MGAM2: variants seen among roughly 807,000 people sequenced by gnomAD.
The protein encoded by MGAM2 is maltase-glucoamylase 2 (putative).
Under a neutral mutation model 96.1 loss-of-function variants are expected in MGAM2, and 98 were observed. The ratio of observed to expected loss-of-function variants is 1.02; its 90% confidence interval spans 0.87 to 1.21. The LOEUF is 1.21. Among genes scored for constraint, MGAM2 ranks in the 50% most tolerant of loss-of-function variants. MGAM2 has a pLI of 0.00. For missense variants in MGAM2, 2,055 were observed against 1,182.4 expected, an observed-to-expected ratio of 1.74 and a Z score of -10.82; for synonymous variants, 749 against 414.8, an observed-to-expected ratio of 1.81 and a Z score of -9.79.
At chr7:142,194,906 A>G (rs544491195) in intron 37 of MGAM2, among the ~76,000 whole-genome samples, 1 of 152,216 alleles carries the variant, frequency 6.6e-6, no homozygotes, top group South Asian at 2.1e-4. Flanking sequence ...ACATACTAGG[A>G]TCTATTAGTA....
At chr7:142,193,509 G>A (rs1350113348) in intron 37 of MGAM2, among the ~76,000 whole-genome samples, 1 of 152,108 alleles carries the variant, frequency 6.6e-6, no homozygotes, top group Non-Finnish European at 1.5e-5. Context: ...GGCATCAGTG[G>A]TCAGTTTTGT....
chr7:142,120,515 T>A, intron 3 of MGAM2, 134 bp downstream of exon 3: 1 of 551,878 alleles, frequency 1.8e-6, no homozygotes, highest in Non-Finnish European at 3.2e-6. Flanking sequence ...CTTTCTTATC[T>A]TATTGAAATA....
At chr7:142,191,414 T>C (rs1796863860) in intron 37 of MGAM2, among the ~76,000 whole-genome samples, 1 of 152,222 alleles carries the variant, frequency 6.6e-6, no homozygotes. Context: ...AAGAGCTTTA[T>C]AGTTTTAGGT....
chr7:142,131,397 C>A, intron 4 of MGAM2, 121 bp from the exon 5 acceptor site: 1 of 623,610 alleles, frequency 1.6e-6, no homozygotes, highest in Non-Finnish European at 2.9e-6. Context: ...GAGATCACGT[C>A]TTGCACTCCA....
chr7:142,189,651 C>A (rs1023811001), intron 37 of MGAM2, 146 bp downstream of exon 37: 1 of 478,870 alleles, frequency 2.1e-6, no homozygotes, highest in African/African-American at 2.0e-5. Context: ...AAGCAACCAC[C>A]TCTGAGCGCA....
In MGAM2 at chr7:142,143,769, G is replaced by A. The variant is rs867291040; in HGVS notation, c.1318G>A (p.Gly440Arg). The A allele has an allele frequency of 4.5e-6, 3 of 670,532 alleles. No homozygotes were observed. Among genetic ancestry groups the A allele is most frequent in the Non-Finnish European group, 8.2e-6 (3 of 365,628 alleles). 41.5% of individuals were successfully genotyped at this position (670,532 alleles called of 1,614,324 possible). Residue 440 changes from glycine (G) to arginine (R), a missense_variant and splice_region_variant, in exon 13 of 48, where the codon GGA (glycine) becomes AGA (arginine). Physicochemically the swap from Gly to Arg is moderately radical, Grantham distance 125 (BLOSUM62 -2). Transcript: ENST00000477922. ...GCCACTGCCTTCCTCTGTGTCCTAG[G>A]GATATCCGGGACCGACAGTCTTTCC... ...LGSNGFAVGE[G>R]YPGPTVFPDY...
intron 32 of MGAM2, among the ~76,000 whole-genome samples, 199 bp downstream of exon 32, chr7:142,175,979 A>G (rs1172434646): frequency 1.3e-5 from 2 of 151,950 alleles, no homozygotes; most frequent in Non-Finnish European, 2.9e-5. Context: ...AGAAATGAAA[A>G]GGGGCTTTTA....
At chr7:142,211,657 G>C (rs1251521299) in intron 46 of MGAM2, among the ~76,000 whole-genome samples, 1 of 152,028 alleles carries the variant, frequency 6.6e-6, no homozygotes, top group Non-Finnish European at 1.5e-5. Context: ...GAATGAAAAG[G>C]AACAAACAAA....
At chr7:142,168,646 C>T (rs949552426) in intron 26 of MGAM2, among the ~76,000 whole-genome samples, 3 of 152,052 alleles carry the variant, frequency 2.0e-5, no homozygotes. Flanking sequence ...TGAGATCTAC[C>T]GCTATGCACA....
chr7:142,187,652 G>A, intron 35 of MGAM2, 98 bp from the exon 36 acceptor site: 1 of 635,742 alleles, frequency 1.6e-6, no homozygotes, highest in Non-Finnish European at 2.9e-6. Context: ...CAGCTGAGCT[G>A]AGGGCTTCAA....
chr7:142,146,314 A>T (rs374909955), intron 14 of MGAM2, among the ~76,000 whole-genome samples: 3 of 151,816 alleles, frequency 2.0e-5, no homozygotes, highest in East Asian at 3.9e-4. Flanking sequence ...CCTTTCCAGG[A>T]TTGCATAGTG....
intron 15 of MGAM2, among the ~76,000 whole-genome samples, chr7:142,150,729 C>A (rs1156808223): frequency 6.6e-6 from 1 of 152,166 alleles, no homozygotes; most frequent in Non-Finnish European, 1.5e-5. Flanking sequence ...TTGCTCATTT[C>A]TCTCCCCAGT....
intron 46 of MGAM2, among the ~76,000 whole-genome samples, chr7:142,217,289 C>T (rs1233832741): frequency 1.3e-5 from 2 of 152,100 alleles, no homozygotes; most frequent in South Asian, 4.2e-4. Context: ...GACTGTTTGC[C>T]ACACTTCTTT....
rs1374084974 is a variant in MGAM2 at position 142,131,164 on chromosome 7, G to T, written c.310+93G>T. 32 of 656,822 alleles carry T rather than the reference G, an allele frequency of 4.9e-5. 1 individual carries two copies. Among genetic ancestry groups the T allele is most frequent in the Non-Finnish European group, 5.6e-6 (2 of 359,354 alleles). 40.7% of individuals were successfully genotyped at this position (656,822 alleles called of 1,614,324 possible). Reference sequence around the variant, plus strand: ...AAAATAAAAGCTAAAAGTCAGGCAGGCGTGGTGGCTCACGTCTGTAATCCC... The same window carrying T: ...AAAATAAAAGCTAAAAGTCAGGCAGTCGTGGTGGCTCACGTCTGTAATCCC... On this transcript the variant is annotated intron_variant, in intron 4 of 47. Coordinates refer to ENST00000477922, the MANE Select transcript of MGAM2 (RefSeq NM_001293626.2).
At chr7:142,187,722 G>A (rs1336770876) in intron 35 of MGAM2, 28 bp from the exon 36 acceptor site, 23 of 701,380 alleles carry the variant, frequency 3.3e-5, no homozygotes, top group Admixed American at 1.6e-4. Flanking sequence ...CTGACATGAC[G>A]AGATCTTTTT....
intron 7 of MGAM2, 41 bp from the exon 8 acceptor site, chr7:142,136,500 C>A: frequency 1.7e-6 from 1 of 599,984 alleles, no homozygotes; most frequent in South Asian, 2.0e-5. Context: ...AAAACTTTCT[C>A]AACACATAAC....
rs758762748 is a variant in MGAM2 at position 142,158,111 on chromosome 7, A to G, written c.2078+20A>G. 9.6e-5 allele frequency: 67 copies of G among 701,514 alleles called. No homozygotes were observed. Among genetic ancestry groups the G allele is most frequent in the Middle Eastern group, 2.3e-4 (1 of 4,362 alleles). 43.5% of individuals were successfully genotyped at this position (701,514 alleles called of 1,614,324 possible). On this transcript the variant is annotated intron_variant, in intron 18 of 47. Coordinates refer to ENST00000477922, the MANE Select transcript of MGAM2 (RefSeq NM_001293626.2). ...ACATGAGTGAGTTTCCTGATTCTCA[A>G]AGACTCCCTTTCTGATTGTAGTTTC...
At chr7:142,165,901 T>G (rs34231471) in intron 24 of MGAM2, among the ~76,000 whole-genome samples, 197 bp from the exon 25 acceptor site, 6,814 of 152,244 alleles carry the variant, frequency 0.045, 232 homozygotes, top group Non-Finnish European at 0.071. Context: ...TGAAAACTCT[T>G]CCCATCCAAC....
rs188840867 is a variant in MGAM2, at chr7:142,196,116, T to C, written c.4347-38T>C. On this transcript the variant is annotated intron_variant, in intron 37 of 47. Transcript: ENST00000477922. Reference sequence around the variant, plus strand: ...TGCAGTTATTCTCTGTAAAGGAGTTTGTTTCTTCAACTCACCTCTTTATTC... The same window carrying C: ...TGCAGTTATTCTCTGTAAAGGAGTTCGTTTCTTCAACTCACCTCTTTATTC... The C allele has an allele frequency of 1.9e-4, 162 of 838,534 alleles. 1 individual carries two copies. The East Asian group carries it at 4.3e-3, about 22-fold the overall frequency. The allele number at this position is 838,534 out of a possible 1,614,324, so 51.9% of individuals were successfully genotyped here.
Sources: allele counts gnomAD v4.1 joint callset (sites outside exome capture counted in the v4.1 genomes callset), GRCh38; gene constraint gnomAD v4.1.1; transcripts MANE v1.5; gene names NCBI Gene and HGNC (gene_info 2026-07-23, HGNC 2026-07-21).